The following CDON variants were observed in gnomAD, a reference collection of about 807,000 sequenced individuals.
CDON encodes cell adhesion molecule-related/down-regulated by oncogenes.
CDON carries 73 observed loss-of-function variants against 120.9 expected under a neutral mutation model. The observed-to-expected ratio is 0.60, with a 90% CI of 0.50 to 0.73. The LOEUF (loss-of-function observed/expected upper bound fraction) is 0.73. Among genes scored for constraint, CDON ranks in the 30% least tolerant of loss-of-function variants. The pLI, the probability that CDON is intolerant of heterozygous loss-of-function variation, is 0.00. For missense variants in CDON, 1,470 were observed against 1,587.3 expected (o/e 0.93, Z 1.26); for synonymous variants, 566 against 573.5 (o/e 0.99, Z 0.19).
At chr11:126,061,188 C>T (rs1273415170) in intron 1 of CDON, among the ~76,000 whole-genome samples, 1 of 152,176 alleles carries the variant, frequency 6.6e-6, no homozygotes, top group Non-Finnish European at 1.5e-5. Flanking sequence ...CTGTTCTACA[C>T]ACTGCCAAAC....
upstream of CDON, among the ~76,000 whole-genome samples, chr11:126,063,007 C>A (rs1315582244): frequency 6.6e-6 from 1 of 151,880 alleles, no homozygotes; most frequent in Non-Finnish European, 1.5e-5. Context: ...GCCGTAGAGG[C>A]CGCTGTGCCC....
intron 7 of CDON, among the ~76,000 whole-genome samples, chr11:126,012,352 G>A (rs946134214): frequency 1.3e-5 from 2 of 152,072 alleles, no homozygotes; most frequent in Admixed American, 6.6e-5. Context: ...TATAAAAAAG[G>A]TGGTTTTTAA....
At chr11:126,056,266 T>C (rs1948677797) in intron 1 of CDON, among the ~76,000 whole-genome samples, 2 of 152,206 alleles carry the variant, frequency 1.3e-5, no homozygotes, top group East Asian at 3.8e-4. Context: ...ATCTGCATCT[T>C]TGAGGACGCC....
At chr11:126,037,634 A>G (rs1050193189) in intron 1 of CDON, among the ~76,000 whole-genome samples, 1 of 152,248 alleles carries the variant, frequency 6.6e-6, no homozygotes, top group African/African-American at 2.4e-5. Context: ...ATAGCAATTC[A>G]TAAGCAATTG....
At chr11:126,014,260 G>A (rs916817071) in intron 7 of CDON, among the ~76,000 whole-genome samples, 7 of 152,014 alleles carry the variant, frequency 4.6e-5, no homozygotes, top group Non-Finnish European at 8.8e-5. Flanking sequence ...TTCAATGAGC[G>A]AAAGACAAAG....
chr11:125,962,065 T>G, intron 18 of CDON, 67 bp from the exon 19 acceptor site: 1 of 1,225,994 alleles, frequency 8.2e-7, no homozygotes, highest in Non-Finnish European at 1.2e-6. Flanking sequence ...ATAAGCCTAT[T>G]CTGAAATATC....
chr11:126,048,358 C>CAAGA (rs1235780610), intron 1 of CDON, among the ~76,000 whole-genome samples: 4 of 151,972 alleles, frequency 2.6e-5, no homozygotes, highest in Non-Finnish European at 5.9e-5. Context: ...ACAGTGTTGC[C>CAAGA]AAGAACACTT....
intron 1 of CDON, among the ~76,000 whole-genome samples, chr11:126,055,174 G>A (rs73631803): frequency 0.03 from 4,576 of 152,264 alleles, 225 homozygotes; most frequent in African/African-American, 0.1. Context: ...AAGGGGATGA[G>A]TTAGTAGCAG....
intron 1 of CDON, among the ~76,000 whole-genome samples, chr11:126,051,735 C>A (rs188221818): frequency 6.6e-6 from 1 of 150,956 alleles, no homozygotes; most frequent in Non-Finnish European, 1.5e-5. Flanking sequence ...GCAACCTCTG[C>A]CTCCCGAGTT....
At chr11:126,018,276 C>G in intron 5 of CDON, 54 bp downstream of exon 5, 1 of 1,575,360 alleles carries the variant, frequency 6.3e-7, no homozygotes, top group Non-Finnish European at 8.7e-7. Context: ...CATTGCCCAA[C>G]TTTTTATGAG....
Position 126,003,985 on chromosome 11 carries a change from G to C in CDON, c.1943C>G (p.Ser648Cys). ...NELHLAELEP[S>C]SLYEVLMVAR... Reference sequence around the variant, plus strand: ...TACCATCAAGACTTCATAAAGACTAGATGGCTCCAGCTCAGCTAAATGGAG... The same window carrying C: ...TACCATCAAGACTTCATAAAGACTACATGGCTCCAGCTCAGCTAAATGGAG... Residue 648 changes from serine to cysteine, a missense_variant, in exon 10 of 20, where the codon TCT (serine) becomes TGT (cysteine). Physicochemically the swap from Ser to Cys is moderately radical, Grantham distance 112. Coordinates refer to ENST00000531738, the MANE Select transcript of CDON (RefSeq NM_001378964.1). The C allele has an allele frequency of 6.2e-7, 1 of 1,614,016 alleles. No homozygotes were observed.
At chr11:126,007,345 A>G (rs1458467284) in intron 8 of CDON, among the ~76,000 whole-genome samples, 1 of 152,248 alleles carries the variant, frequency 6.6e-6, no homozygotes, top group Non-Finnish European at 1.5e-5. Context: ...ATCAGAGAAA[A>G]CAAGAAGCTA....
rs376194065 is a variant in CDON at position 125,989,605 on chromosome 11, C to T, written c.2773+32G>A. 7.5e-6 allele frequency: 12 copies of T among 1,603,462 alleles called. No homozygotes were observed. In the African/African-American group the frequency reaches 1.2e-4, roughly 16 times the overall value. ...CAGTAATCCAGGGTTGGAATTCTAT[C>T]ACTGTCCAGGGAAAAGCAAAAATTC... On this transcript the variant is annotated intron_variant, in intron 15 of 19. Transcript: ENST00000531738.
At position 125,999,024 on chromosome 11, in the gene CDON, T is replaced by C. The variant is rs554789243; in HGVS notation, c.2159-1614A>G. Among the ~76,000 whole-genome samples, 7 of 152,242 alleles carry C rather than the reference T, an allele frequency of 4.6e-5. No individual in the cohort carries two copies. The South Asian group carries it at 1.5e-3, about 32-fold the overall frequency. ...CGAAAGAAGAAAATAAAGTTGAATG[T>C]GGTATTTGTATGGAGAAAACTGTAG... On this transcript the variant is annotated intron_variant, in intron 11 of 19. Transcript: ENST00000531738.
At chr11:126,011,338 T>C (rs1030239012) in intron 7 of CDON, among the ~76,000 whole-genome samples, 2 of 152,326 alleles carry the variant, frequency 1.3e-5, no homozygotes, top group African/African-American at 2.4e-5. Context: ...ACATTTTCTC[T>C]AGCATGTCTG....
intron 1 of CDON, among the ~76,000 whole-genome samples, chr11:126,037,301 C>T (rs911586815): frequency 1.4e-4 from 22 of 151,880 alleles, no homozygotes; most frequent in Admixed American, 1.3e-3. Context: ...GGTTTCACCA[C>T]GTTGGCCAGG....
intron 18 of CDON, among the ~76,000 whole-genome samples, chr11:125,973,018 CTT>C (rs35828939): frequency 0.071 from 6,210 of 87,012 alleles, 322 homozygotes; most frequent in Admixed American, 0.15. Flanking sequence ...ATTACTTGGT[CTT>C]TTTTTTTTTT....
At chr11:125,967,896 T>A (rs1000976214) in intron 18 of CDON, among the ~76,000 whole-genome samples, 9 of 152,114 alleles carry the variant, frequency 5.9e-5, no homozygotes, top group African/African-American at 2.2e-4. Context: ...TTTTTAAATT[T>A]TTTTTGTAGA....
In CDON at chr11:125,981,221, C is replaced by T. The variant is rs1296209887; in HGVS notation, c.3104G>A (p.Gly1035Asp). The T allele has an allele frequency of 1.2e-6, 2 of 1,614,046 alleles. No individual in the cohort carries two copies. The highest frequency in any genetic ancestry group is 2.7e-5 in the African/African-American group (2 of 74,908). Reference protein sequence around the residue: ...ASQINGNVHGGFLTNGGLSSG... With the variant: ...ASQINGNVHGDFLTNGGLSSG... ...GCTGAGACCGCCATTGGTTAGGAAG[C>T]CTCCGTGAACATTTCCATTTATCTG... Residue 1035 changes from glycine (G) to aspartate (D), a missense_variant, in exon 17 of 20, where the codon GGC becomes GAC. Transcript: ENST00000531738.
Sources: allele counts gnomAD v4.1 joint callset (sites outside exome capture counted in the v4.1 genomes callset), GRCh38; gene constraint gnomAD v4.1.1; transcripts MANE v1.5; gene names NCBI Gene and HGNC (gene_info 2026-07-23, HGNC 2026-07-21).